DCX: variants seen among roughly 807,000 people sequenced by gnomAD.
The protein encoded by DCX is neuronal migration protein doublecortin.
DCX carries 4 observed loss-of-function variants against 20.9 expected under a neutral mutation model. That is an observed-to-expected ratio of 0.19 (90% confidence interval 0.09 to 0.44). The LOEUF (loss-of-function observed/expected upper bound fraction) is 0.44, where lower values mean the gene tolerates loss of function less well. Ranked by LOEUF, DCX falls within the 20% of genes least tolerant of loss-of-function variation. The pLI, the probability that DCX is intolerant of heterozygous loss-of-function variation, is 0.99. For missense variants in DCX, 133 were observed against 296.9 expected, an observed-to-expected ratio of 0.45 and a Z score of 4.06; for synonymous variants, 103 against 111.4, an observed-to-expected ratio of 0.92 and a Z score of 0.47.
chrX:111,309,725 TA>T (rs1349362448), intron 6 of DCX, among the ~76,000 whole-genome samples: 1 of 111,526 alleles, frequency 9.0e-6, no homozygotes, highest in Non-Finnish European at 1.9e-5. Flanking sequence ...TTTATTTCTA[TA>T]ATATACTGTA....
chrX:111,409,173 T>C (rs1216706393), intron 2 of DCX, among the ~76,000 whole-genome samples: 1 of 111,613 alleles, frequency 9.0e-6, no homozygotes, highest in African/African-American at 3.3e-5. Flanking sequence ...ATCCTCAGTA[T>C]AATTGATTTG....
chrX:111,356,733 G>T (rs2047661664), intron 3 of DCX, among the ~76,000 whole-genome samples: 1 of 111,797 alleles, frequency 8.9e-6, no homozygotes, highest in Non-Finnish European at 1.9e-5. Flanking sequence ...TTATAACAAA[G>T]AATTATAACT....
intron 2 of DCX, among the ~76,000 whole-genome samples, chrX:111,404,251 A>AG (rs776264099): frequency 9.1e-6 from 1 of 110,245 alleles, no homozygotes; most frequent in East Asian, 2.9e-4. Flanking sequence ...GAGGAATAGA[A>AG]GCTGAAGAGG....
At chrX:111,393,197 G>A (rs936791221) in intron 3 of DCX, among the ~76,000 whole-genome samples, 5 of 110,947 alleles carry the variant, frequency 4.5e-5, no homozygotes, top group African/African-American at 1.6e-4. Flanking sequence ...ATGAACCACT[G>A]TTCATATTTA....
intron 3 of DCX, among the ~76,000 whole-genome samples, chrX:111,340,583 A>C (rs1922134782): frequency 9.0e-6 from 1 of 111,424 alleles, no homozygotes; most frequent in Non-Finnish European, 1.9e-5. Context: ...ACCCTTCAAC[A>C]GGGGTTGTCA....
chrX:111,378,921 G>C (rs1463278358), intron 3 of DCX, among the ~76,000 whole-genome samples: 1 of 111,772 alleles, frequency 8.9e-6, no homozygotes, highest in Non-Finnish European at 1.9e-5. Context: ...CATAGCATTA[G>C]GCTCTCTTGC....
chrX:111,364,130 G>A (rs752935161), intron 3 of DCX, among the ~76,000 whole-genome samples: 1 of 112,070 alleles, frequency 8.9e-6, no homozygotes, highest in Admixed American at 9.5e-5. Context: ...CTTAGTAATG[G>A]CAAGTAAGGA....
chrX:111,373,051 C>CAGTGA (rs753003053), intron 3 of DCX, among the ~76,000 whole-genome samples: 1 of 107,744 alleles, frequency 9.3e-6, no homozygotes, highest in African/African-American at 3.5e-5. Flanking sequence ...GCTGATAACA[C>CAGTGA]AATGAAATGA....
rs143934693 is a variant in DCX, at chrX:111,325,424, C to G, written c.946+5480G>C. ...TAAGTAATGTGTGACATGGAAGATC[C>G]CAAGATCCTAAACTTTGTATCTTAG... On this transcript the variant is annotated intron_variant, in intron 5 of 6. Transcript: ENST00000636035. 3.4e-3 allele frequency among the ~76,000 whole-genome samples: 382 copies of G among 110,765 alleles called. 3 individuals are homozygous for G. Among genetic ancestry groups the G allele is most frequent in the African/African-American group, 0.011 (349 of 30,424 alleles).
chrX:111,324,142 G>A (rs1263484991), intron 5 of DCX, among the ~76,000 whole-genome samples: 1 of 111,707 alleles, frequency 9.0e-6, no homozygotes, highest in Non-Finnish European at 1.9e-5. Context: ...TTGTTTAGTA[G>A]GCATTATGGG....
At chrX:111,389,935 A>C (rs1926808711) in intron 3 of DCX, among the ~76,000 whole-genome samples, 2 of 111,553 alleles carry the variant, frequency 1.8e-5, no homozygotes, top group African/African-American at 6.5e-5. Context: ...CATTCCCATG[A>C]TTATGTTATG....
chrX:111,316,086 T>TAAAAAAAAAAA (rs754058802), intron 5 of DCX, among the ~76,000 whole-genome samples: 63 of 50,549 alleles, frequency 1.2e-3, no homozygotes, highest in Middle Eastern at 0.012. Flanking sequence ...TAATAAAAAA[T>TAAAAAAAAAAA]AAAAAAAAAA....
At chrX:111,353,427 C>T (rs1046487749) in intron 3 of DCX, among the ~76,000 whole-genome samples, 1 of 111,524 alleles carries the variant, frequency 9.0e-6, no homozygotes, top group African/African-American at 3.3e-5. Context: ...AATTAACCAT[C>T]ACAAAAGATG....
At chrX:111,397,262 G>A (rs946452432) in intron 3 of DCX, among the ~76,000 whole-genome samples, 2 of 111,235 alleles carry the variant, frequency 1.8e-5, no homozygotes, top group Non-Finnish European at 3.8e-5. Flanking sequence ...GAAATCAAGC[G>A]ATGGCCTTGA....
chrX:111,371,610 A>C (rs1167948991), intron 3 of DCX, among the ~76,000 whole-genome samples: 1 of 111,820 alleles, frequency 8.9e-6, no homozygotes, highest in East Asian at 2.8e-4. Context: ...AATAAGGTTA[A>C]TGTTTATTAA....
intron 3 of DCX, among the ~76,000 whole-genome samples, chrX:111,398,566 T>C (rs1014693408): frequency 9.0e-6 from 1 of 111,333 alleles, no homozygotes; most frequent in African/African-American, 3.3e-5. Flanking sequence ...TCTATATGAA[T>C]GTCATATCAT....
rs777008564 is a variant in DCX at position 111,391,345 on chromosome X, T to C, written c.705+9645A>G. Among the ~76,000 whole-genome samples the C allele has an allele frequency of 7.3e-4, 82 of 111,769 alleles. 1 individual carries two copies. Among genetic ancestry groups the C allele is most frequent in the African/African-American group, 2.3e-3 (71 of 30,793 alleles). ...CCTGAGGCCTTCCAGTCATGCTTCC[T>C]ATTAAGCCTGTGGAACTGTGAGTCA... On this transcript the variant is annotated intron_variant, in intron 3 of 6. Coordinates refer to ENST00000636035, the MANE Select transcript of DCX (RefSeq NM_001195553.2).
chrX:111,309,985 A>T (rs1405025536), intron 6 of DCX, among the ~76,000 whole-genome samples: 1 of 112,484 alleles, frequency 8.9e-6, no homozygotes, highest in Non-Finnish European at 1.9e-5. Flanking sequence ...ACATACTGAC[A>T]TATTGAGGGA....
chrX:111,323,975 G>A (rs750248065), intron 5 of DCX, among the ~76,000 whole-genome samples: 3 of 111,587 alleles, frequency 2.7e-5, no homozygotes, highest in Admixed American at 1.9e-4. Context: ...GCACACAGTG[G>A]GTATGCAGGA....
Sources: gnomAD v4.1 joint callset for allele counts (sites outside exome capture counted in the v4.1 genomes callset) on GRCh38, gnomAD v4.1.1 for gene constraint, MANE v1.5 for transcripts, NCBI Gene and HGNC (gene_info 2026-07-23, HGNC 2026-07-21) for gene names.